KALRN: variants seen among roughly 807,000 people sequenced by gnomAD.
KALRN encodes kalirin.
KALRN carries 70 observed loss-of-function variants against 353.7 expected under a neutral mutation model. The observed-to-expected ratio is 0.20, with a 90% CI of 0.16 to 0.24. KALRN has a LOEUF of 0.24. Ranked by LOEUF, KALRN falls within the 10% of genes least tolerant of loss-of-function variation. KALRN has a pLI of 1.00. For missense variants in KALRN, 2,791 were observed against 3,756.7 expected (o/e 0.74, Z 6.72); for synonymous variants, 1,391 against 1,434.8 (o/e 0.97, Z 0.69).
intron 1 of KALRN, among the ~76,000 whole-genome samples, chr3:124,225,444 C>T (rs1033640020): frequency 5.3e-5 from 8 of 152,204 alleles, no homozygotes; most frequent in Non-Finnish European, 1.0e-4. Context: ...TGTGGACACA[C>T]AACCAGGCCC....
rs114979096 is a variant in KALRN at position 124,357,000 on chromosome 3, G to A, written c.1770+9735G>A. ...TTTTCAGAGGGTTCCTAAACTCCGT[G>A]TGTCCAAAGTTTATTATATCACCTC... On this transcript the variant is annotated intron_variant, in intron 10 of 59. Transcript: ENST00000682506. Among the ~76,000 whole-genome samples, 1,454 of 152,224 alleles carry A rather than the reference G, an allele frequency of 9.6e-3. 21 individuals carry two copies. Among genetic ancestry groups the A allele is most frequent in the African/African-American group, 0.033 (1,359 of 41,518 alleles).
intron 34 of KALRN, among the ~76,000 whole-genome samples, chr3:124,595,105 G>A (rs1458355254): frequency 6.6e-6 from 1 of 151,724 alleles, no homozygotes; most frequent in Non-Finnish European, 1.5e-5. Flanking sequence ...TGAAAATACA[G>A]ATAAGTGAAG....
intron 1 of KALRN, among the ~76,000 whole-genome samples, chr3:124,050,125 G>A (rs1250212375): frequency 6.6e-6 from 1 of 152,176 alleles, no homozygotes; most frequent in Non-Finnish European, 1.5e-5. Context: ...AAGATAGCTA[G>A]ATCCCACTGG....
chr3:124,144,560 C>T (rs1023669083), intron 1 of KALRN, among the ~76,000 whole-genome samples: 1 of 151,740 alleles, frequency 6.6e-6, no homozygotes, highest in East Asian at 1.9e-4. Flanking sequence ...CATCATCCTC[C>T]TCCTCCTATT....
intron 37 of KALRN, among the ~76,000 whole-genome samples, chr3:124,641,680 C>G (rs1001000083): frequency 1.3e-5 from 2 of 152,162 alleles, no homozygotes; most frequent in Admixed American, 6.5e-5. Flanking sequence ...AATCAAGCAT[C>G]TACAAATGTT....
intron 9 of KALRN, among the ~76,000 whole-genome samples, 155 bp from the exon 10 acceptor site, chr3:124,346,988 A>G (rs369353089): frequency 1.3e-5 from 2 of 152,228 alleles, no homozygotes; most frequent in African/African-American, 4.8e-5. Context: ...ATGAAATCCC[A>G]TGGACTCACA....
At chr3:124,412,441 G>A (rs1249562728) in intron 13 of KALRN, among the ~76,000 whole-genome samples, 1 of 152,204 alleles carries the variant, frequency 6.6e-6, no homozygotes, top group Non-Finnish European at 1.5e-5. Flanking sequence ...CCTTCAAGGG[G>A]TGTCATCGGG....
chr3:124,189,741 C>T (rs1334482279), intron 1 of KALRN, among the ~76,000 whole-genome samples: 5 of 152,014 alleles, frequency 3.3e-5, no homozygotes, highest in African/African-American at 1.2e-4. Flanking sequence ...AGATTGAGAC[C>T]CTCCTGGCCA....
At chr3:124,473,438 C>T (rs1281193064) in intron 25 of KALRN, among the ~76,000 whole-genome samples, 1 of 152,144 alleles carries the variant, frequency 6.6e-6, no homozygotes, top group Non-Finnish European at 1.5e-5. Context: ...GTTCCTTCAC[C>T]TGCTTCCCTG....
chr3:124,512,946 T>G (rs534529773), intron 33 of KALRN, among the ~76,000 whole-genome samples: 1 of 152,274 alleles, frequency 6.6e-6, no homozygotes, highest in Admixed American at 6.5e-5. Flanking sequence ...GATTATCAGA[T>G]AGTTGCTGGG....
intron 1 of KALRN, among the ~76,000 whole-genome samples, chr3:124,156,888 A>C (rs183551683): frequency 2.0e-4 from 30 of 152,280 alleles, no homozygotes; most frequent in African/African-American, 7.0e-4. Context: ...ACGTTGCATA[A>C]TTTTGATTTT....
At chr3:124,409,529 A>G (rs990343511) in intron 13 of KALRN, among the ~76,000 whole-genome samples, 3 of 152,168 alleles carry the variant, frequency 2.0e-5, no homozygotes, top group Non-Finnish European at 4.4e-5. Flanking sequence ...GAGGAAGGAC[A>G]AGGGCGTTTC....
chr3:124,296,995 T>C (rs1286259559), intron 5 of KALRN, among the ~76,000 whole-genome samples: 1 of 152,232 alleles, frequency 6.6e-6, no homozygotes, highest in Non-Finnish European at 1.5e-5. Flanking sequence ...TTTTTTGAGT[T>C]GTAATTTTAA....
intron 1 of KALRN, among the ~76,000 whole-genome samples, chr3:124,173,085 G>A (rs1056901896): frequency 1.3e-5 from 2 of 152,022 alleles, no homozygotes; most frequent in Non-Finnish European, 1.5e-5. Flanking sequence ...AGAATGTCTG[G>A]TTCAGATTGG....
At chr3:124,709,829 G>A (rs572670850) in intron 57 of KALRN, among the ~76,000 whole-genome samples, 10 of 152,290 alleles carry the variant, frequency 6.6e-5, no homozygotes, top group African/African-American at 1.2e-4. Flanking sequence ...GAGAGCACCC[G>A]AGTGCCCAAC....
chr3:124,036,394 T>A (rs1046583610), intron 1 of KALRN, among the ~76,000 whole-genome samples: 61 of 152,000 alleles, frequency 4.0e-4, no homozygotes, highest in African/African-American at 1.4e-3. Flanking sequence ...AAGGGCATGA[T>A]CTTATTCTTT....
chr3:124,434,830 C>G (rs183889970), intron 17 of KALRN, among the ~76,000 whole-genome samples: 17 of 152,330 alleles, frequency 1.1e-4, no homozygotes, highest in Non-Finnish European at 1.2e-4. Flanking sequence ...CTGTTACCAC[C>G]ATAGTGCTGT....
chr3:124,264,056 A>ATTT (rs5852399), intron 3 of KALRN, among the ~76,000 whole-genome samples: 1 of 143,308 alleles, frequency 7.0e-6, no homozygotes. Flanking sequence ...TGGACTTTGG[A>ATTT]TTTTTTTTTT....
intron 6 of KALRN, 64 bp from the exon 7 acceptor site, chr3:124,325,916 C>A: frequency 7.2e-7 from 1 of 1,397,690 alleles, no homozygotes; most frequent in Non-Finnish European, 1.0e-6. Context: ...ATATGTACCC[C>A]ACGAAAGTGC....
Sources: allele counts gnomAD v4.1 joint callset (sites outside exome capture counted in the v4.1 genomes callset), GRCh38; gene constraint gnomAD v4.1.1; transcripts MANE v1.5; gene names NCBI Gene and HGNC (gene_info 2026-07-23, HGNC 2026-07-21).